Variants in SERPINF1 observed in about 807,000 individuals in gnomAD.
SERPINF1 encodes serpin family F member 1.
A neutral mutation model predicts 37.3 loss-of-function variants in SERPINF1; 29 were observed. That is an observed-to-expected ratio of 0.78 (90% CI 0.58 to 1.06). The LOEUF is 1.06. Among genes scored for constraint, SERPINF1 ranks in the 50% least tolerant of loss-of-function variants. The pLI is 0.00. For synonymous variants in SERPINF1, 281 were observed against 227.9 expected (o/e 1.23, Z -2.10); for missense variants, 553 against 532.2 (o/e 1.04, Z -0.38).
At position 1,777,468 on chromosome 17, in the gene SERPINF1, T is replaced by C. The variant is rs759919136; in HGVS notation, c.*22T>C. On this transcript the variant is annotated 3_prime_UTR_variant, in exon 8 of 8. Transcript: ENST00000254722. ...CTAATATCCCAGTTTAATATTCCAATACCCTAGAAGAAAACCCGAGGGACA... is the reference window on the plus strand; with the variant it reads ...CTAATATCCCAGTTTAATATTCCAACACCCTAGAAGAAAACCCGAGGGACA... 1.2e-6 allele frequency: 2 copies of C among 1,613,764 alleles called. No homozygotes were observed. Among genetic ancestry groups the C allele is most frequent in the Non-Finnish European group, 8.5e-7 (1 of 1,179,960 alleles).
chr17:1,766,542 C>A (rs1297054358), intron 1 of SERPINF1: 2 of 147,708 alleles, frequency 1.4e-5, no homozygotes, highest in Admixed American at 1.4e-4. Context: ...GGCGACAGAG[C>A]CAGACTCTGT....
chr17:1,777,346 T>TGGAC lies in SERPINF1; in HGVS notation c.1158_1161dup (p.Tyr388GlyfsTer5). The TGGAC allele has an allele frequency of 6.2e-7, 1 of 1,614,168 alleles. No individual in the cohort carries two copies. Among genetic ancestry groups the TGGAC allele is most frequent in the Non-Finnish European group, 8.5e-7 (1 of 1,180,024 alleles). Reference sequence around the variant, plus strand: ...CAGCCTGCCCACCTCACCTTCCCGCTGGACTATCACCTTAACCAGCCTTTC... The same window carrying TGGAC: ...CAGCCTGCCCACCTCACCTTCCCGCTGGACGGACTATCACCTTAACCAGCCTTTC... On this transcript the variant is annotated frameshift_variant, in exon 8 of 8. Coordinates refer to ENST00000254722, the MANE Select transcript of SERPINF1 (RefSeq NM_002615.7). LOFTEE classifies it high-confidence loss of function.
chr17:1,775,634 G>C (rs1229787498), intron 6 of SERPINF1, among the ~76,000 whole-genome samples: 11 of 149,000 alleles, frequency 7.4e-5, no homozygotes, highest in African/African-American at 2.5e-4. Flanking sequence ...CCTCCGCCCC[G>C]CTGGGTTAAA....
At chr17:1,768,572 C>A (rs1907532425) in intron 2 of SERPINF1, among the ~76,000 whole-genome samples, 1 of 151,358 alleles carries the variant, frequency 6.6e-6, no homozygotes, top group Non-Finnish European at 1.5e-5. Context: ...CTCCTGAGTT[C>A]AACCAATTCT....
intron 1 of SERPINF1, among the ~76,000 whole-genome samples, chr17:1,765,877 A>AG: frequency 6.8e-6 from 1 of 146,482 alleles, no homozygotes; most frequent in South Asian, 2.2e-4. Context: ...CCAAAAAAAA[A>AG]AAAAAAAAAA....
At chr17:1,776,943 C>A (rs1908071557) in intron 7 of SERPINF1, among the ~76,000 whole-genome samples, 1 of 151,312 alleles carries the variant, frequency 6.6e-6, no homozygotes, top group African/African-American at 2.4e-5. Context: ...CACGAGCAGA[C>A]CTCCCTGACA....
At chr17:1,766,820 C>A in intron 1 of SERPINF1, 83 bp from the exon 2 acceptor site, 1 of 1,363,286 alleles carries the variant, frequency 7.3e-7, no homozygotes, top group Non-Finnish European at 1.0e-6. Context: ...ACCCCTGGGT[C>A]CTGGCTGGGG....
intron 2 of SERPINF1, chr17:1,769,614 ACT>A (rs1440027463): frequency 1.4e-5 from 8 of 571,278 alleles, no homozygotes; most frequent in African/African-American, 9.4e-5. Context: ...ACACAGTAAG[ACT>A]CTGTCTCAAA....
At chr17:1,766,864 C>T (rs774938967) in intron 1 of SERPINF1, 39 bp from the exon 2 acceptor site, 51 of 1,532,964 alleles carry the variant, frequency 3.3e-5, no homozygotes, top group East Asian at 1.2e-4. Flanking sequence ...AGTGCAGTGT[C>T]GGGGGAGAGC....
At chr17:1,766,807 C>T (rs1257329533) in intron 1 of SERPINF1, 96 bp from the exon 2 acceptor site, 3 of 1,250,520 alleles carry the variant, frequency 2.4e-6, no homozygotes, top group Non-Finnish European at 2.3e-6. Flanking sequence ...CTAGCCCTGC[C>T]CAACCCCTGG....
rs762554291 is a variant in SERPINF1, at chr17:1,771,090, C to CCCAGACAT, written c.349_356dup (p.His119GlnfsTer35). The CCCAGACAT allele has an allele frequency of 6.2e-7, 1 of 1,614,044 alleles. No homozygotes were observed. Among genetic ancestry groups the CCCAGACAT allele is most frequent in the Admixed American group, 1.7e-5 (1 of 59,988 alleles). ...CTCTCTACTATGACTTGATCAGCAG[C>CCCAGACAT]CCAGACATCCATGGTACCTATAAGG... On this transcript the variant is annotated frameshift_variant, in exon 4 of 8. Coordinates refer to ENST00000254722, the MANE Select transcript of SERPINF1 (RefSeq NM_002615.7). LOFTEE classifies it high-confidence loss of function.
chr17:1,769,742 C>T, intron 2 of SERPINF1, 110 bp from the exon 3 acceptor site: 4 of 1,200,274 alleles, frequency 3.3e-6, no homozygotes, highest in Non-Finnish European at 5.0e-6. Context: ...TTAGGAAGGA[C>T]AGCCCCAAGG....
rs1051979109 is a variant in SERPINF1 at position 1,766,993 on chromosome 17, A to C, written c.83A>C (p.Glu28Ala). ...SCQNPASPPE[E>A]GSPDPDSTGA... ...CAGAACCCTGCCAGCCCCCCGGAGG[A>C]GGTCAGTAGGCAGGCGGGGAGGGCG... The change falls in exon 2 of 8, where the codon GAG (glutamate) becomes GCG (alanine). Residue 28 changes from glutamate (E) to alanine (A), a missense_variant and splice_region_variant. Coordinates refer to ENST00000254722, the MANE Select transcript of SERPINF1 (RefSeq NM_002615.7). 5.7e-5 allele frequency: 88 copies of C among 1,552,304 alleles called. No individual in the cohort carries two copies. Among genetic ancestry groups the C allele is most frequent in the Non-Finnish European group, 7.7e-5 (88 of 1,147,548 alleles).
At chr17:1,770,882 C>T in intron 3 of SERPINF1, 147 bp from the exon 4 acceptor site, 1 of 1,008,316 alleles carries the variant, frequency 9.9e-7, no homozygotes, top group South Asian at 1.3e-5. Flanking sequence ...GATGAAAATT[C>T]CTTGGCCACC....
intron 1 of SERPINF1, chr17:1,766,612 T>G: frequency 3.7e-6 from 1 of 266,712 alleles, no homozygotes; most frequent in East Asian, 6.5e-5. Flanking sequence ...GCTTTAGGCT[T>G]AAAGGAGGGT....
rs549146102 is a variant in SERPINF1, at chr17:1,777,431, C to T, written c.1242C>T (p.Asp414=). 2.5e-6 allele frequency: 4 copies of T among 1,614,090 alleles called. No individual in the cohort carries two copies. The South Asian group carries it at 3.3e-5, about 13-fold the overall frequency. Residue 414 remains aspartate (D), a synonymous_variant, in exon 8 of 8, where the codon GAC becomes GAT. Coordinates refer to ENST00000254722, the MANE Select transcript of SERPINF1 (RefSeq NM_002615.7). The part of the protein sequence containing the change: ...GALLFIGKIL[D]PRGP Reference sequence around the variant, plus strand: ...TTCTCTTCATTGGCAAGATTCTGGACCCCAGGGGCCCCTAATATCCCAGTT... The same window carrying T: ...TTCTCTTCATTGGCAAGATTCTGGATCCCAGGGGCCCCTAATATCCCAGTT...
At chr17:1,766,347 G>A (rs1287067106) in intron 1 of SERPINF1, 1 of 152,270 alleles carries the variant, frequency 6.6e-6, no homozygotes, top group Non-Finnish European at 1.5e-5. Flanking sequence ...CCTGAGGTCA[G>A]GAGTTTGAGA....
At chr17:1,773,936 G>A (rs1597354308) in intron 5 of SERPINF1, among the ~76,000 whole-genome samples, 2 of 152,140 alleles carry the variant, frequency 1.3e-5, no homozygotes, top group Non-Finnish European at 2.9e-5. Context: ...AAATCCAAAC[G>A]GCTTCCTACT....
At chr17:1,775,881 C>T (rs1490030846) in intron 6 of SERPINF1, among the ~76,000 whole-genome samples, 1 of 152,342 alleles carries the variant, frequency 6.6e-6, no homozygotes, top group East Asian at 1.9e-4. Flanking sequence ...TCTTTTAGTT[C>T]TAAGTCTGTA....
Sources: allele counts gnomAD v4.1 joint callset (sites outside exome capture counted in the v4.1 genomes callset), GRCh38; gene constraint gnomAD v4.1.1; transcripts MANE v1.5; gene names NCBI Gene and HGNC (gene_info 2026-07-23, HGNC 2026-07-21).